The following FBP2 variants were observed in gnomAD, a reference collection of about 807,000 sequenced individuals.
The protein encoded by FBP2 is fructose-1,6-bisphosphatase isozyme 2.
Under a neutral mutation model 31.6 loss-of-function variants are expected in FBP2, and 27 were observed. The ratio of observed to expected loss-of-function variants is 0.85; its 90% confidence interval spans 0.63 to 1.18. FBP2 has a LOEUF of 1.18. FBP2 is among the 50% of genes most tolerant of loss of function. The pLI is 0.00. For synonymous variants in FBP2, 168 were observed against 179.8 expected (o/e 0.93, Z 0.53); for missense variants, 421 against 436.1 (o/e 0.97, Z 0.31).
intron 1 of FBP2, among the ~76,000 whole-genome samples, chr9:94,590,692 A>G (rs192377386): frequency 6.6e-6 from 1 of 152,320 alleles, no homozygotes; most frequent in East Asian, 1.9e-4. Flanking sequence ...CAAGAGCGAA[A>G]GAACAAAGCC....
chr9:94,560,691 C>T (rs1003898571), intron 6 of FBP2, among the ~76,000 whole-genome samples: 109 of 146,964 alleles, frequency 7.4e-4, no homozygotes, highest in Admixed American at 1.8e-3. Flanking sequence ...TTCTATTTTT[C>T]TATTATATAT....
Position 94,587,353 on chromosome 9 carries a change from A to G in FBP2, c.287T>C (p.Val96Ala), listed in dbSNP as rs1827439430. 1 of 1,613,848 alleles carries G rather than the reference A, an allele frequency of 6.2e-7. No homozygotes were observed. The highest frequency in any genetic ancestry group is 1.3e-5 in the African/African-American group (1 of 74,902). The change falls in exon 2 of 7, where the codon GTC becomes GCC. Residue 96 changes from valine to alanine, a missense_variant. Val to Ala is a moderately conservative substitution (Grantham distance 64, BLOSUM62 0). Coordinates refer to ENST00000375337, the MANE Select transcript of FBP2 (RefSeq NM_003837.4). ...GATGGCGTCCTTATTCTCTTCTGAG[A>G]CCAGGACGCAGGTACTATAGGAGGA... Reference protein sequence around the residue: ...VQSSYSTCVLVSEENKDAIIT... With the variant: ...VQSSYSTCVLASEENKDAIIT...
intron 6 of FBP2, 116 bp downstream of exon 6, chr9:94,563,226 C>T: frequency 8.4e-7 from 1 of 1,189,798 alleles, no homozygotes; most frequent in African/African-American, 1.5e-5. Flanking sequence ...CCTCCCCTGC[C>T]CATCCCCACA....
intron 3 of FBP2, among the ~76,000 whole-genome samples, chr9:94,581,525 T>C (rs151184695): frequency 2.2e-4 from 34 of 152,302 alleles, no homozygotes; most frequent in African/African-American, 7.7e-4. Context: ...TTAACTGGCT[T>C]CCACTGTTTT....
intron 5 of FBP2, among the ~76,000 whole-genome samples, chr9:94,564,534 ATTATC>A (rs1827157713): frequency 6.6e-6 from 1 of 152,186 alleles, no homozygotes; most frequent in Non-Finnish European, 1.5e-5. Context: ...TGAAGGCCTA[ATTATC>A]TTAAGTAAAC....
intron 4 of FBP2, chr9:94,568,896 C>G (rs1274181471): frequency 6.6e-6 from 1 of 152,266 alleles, no homozygotes; most frequent in Non-Finnish European, 1.5e-5. Flanking sequence ...CTCAAATCCT[C>G]TTTAGAATTA....
intron 3 of FBP2, among the ~76,000 whole-genome samples, chr9:94,572,272 A>G (rs1827277655): frequency 6.6e-6 from 1 of 151,920 alleles, no homozygotes; most frequent in Admixed American, 6.6e-5. Flanking sequence ...CCTTATCCAA[A>G]ATGGGGACTC....
intron 5 of FBP2, among the ~76,000 whole-genome samples, chr9:94,566,394 C>CA (rs1188769406): frequency 6.6e-6 from 1 of 152,266 alleles, no homozygotes; most frequent in Non-Finnish European, 1.5e-5. Context: ...AACAATAGCA[C>CA]GAGTGATCTG....
In FBP2 at chr9:94,571,219, G is replaced by C. The variant is rs576492719; in HGVS notation, c.567+243C>G. 3.9e-5 allele frequency among the ~76,000 whole-genome samples: 6 copies of C among 152,272 alleles called. No individual in the cohort carries two copies. In the South Asian group the frequency reaches 1.2e-3, roughly 32 times the overall value. On this transcript the variant is annotated intron_variant, in intron 4 of 6. Transcript: ENST00000375337. ...CATTTTTGGAAAATGAGCTCCTTAA[G>C]GAGAGGGCCTGAGTTGATGCAACTG...
At chr9:94,588,370 C>T (rs539401274) in intron 1 of FBP2, among the ~76,000 whole-genome samples, 7 of 152,198 alleles carry the variant, frequency 4.6e-5, no homozygotes, top group Non-Finnish European at 5.9e-5. Flanking sequence ...GCCTGTAATC[C>T]CAGCACTGTG....
intron 5 of FBP2, among the ~76,000 whole-genome samples, chr9:94,563,943 T>C (rs1015585632): frequency 5.9e-5 from 9 of 152,130 alleles, no homozygotes; most frequent in Non-Finnish European, 1.2e-4. Context: ...GACTTAACTA[T>C]CCTAAATAAT....
intron 4 of FBP2, chr9:94,570,618 T>G (rs1827258660): frequency 6.6e-6 from 1 of 152,206 alleles, no homozygotes; most frequent in Admixed American, 6.5e-5. Flanking sequence ...TTTCTCAGGG[T>G]TTGCCAGCTT....
chr9:94,559,221 T>C (rs1827057160), intron 6 of FBP2, 89 bp from the exon 7 acceptor site: 1 of 1,187,018 alleles, frequency 8.4e-7, no homozygotes, highest in Non-Finnish European at 1.2e-6. Flanking sequence ...GAGTTTGTAC[T>C]GCGGTGCTTC....
chr9:94,587,589 A>G, intron 1 of FBP2, 120 bp from the exon 2 acceptor site: 1 of 850,522 alleles, frequency 1.2e-6, no homozygotes, highest in South Asian at 1.5e-5. Flanking sequence ...TGGAGTCTCC[A>G]AGTCACACGT....
At chr9:94,565,482 C>T (rs980740841) in intron 5 of FBP2, among the ~76,000 whole-genome samples, 20 of 151,336 alleles carry the variant, frequency 1.3e-4, no homozygotes, top group African/African-American at 4.9e-4. Flanking sequence ...TGATGTGTTA[C>T]ACAGGAACAC....
intron 4 of FBP2, chr9:94,570,575 A>G (rs928912657): frequency 6.6e-6 from 1 of 152,192 alleles, no homozygotes; most frequent in African/African-American, 2.4e-5. Flanking sequence ...AGGGTGTTTT[A>G]TTGTCTGAGG....
intron 3 of FBP2, chr9:94,577,419 G>A (rs1441005412): frequency 3.3e-5 from 5 of 152,174 alleles, no homozygotes; most frequent in African/African-American, 1.2e-4. Flanking sequence ...TTAAACTGAT[G>A]GGCAAATTAC....
intron 3 of FBP2, among the ~76,000 whole-genome samples, chr9:94,574,991 G>A (rs1457423129): frequency 6.6e-6 from 1 of 152,116 alleles, no homozygotes; most frequent in Non-Finnish European, 1.5e-5. Context: ...CATCAGATAA[G>A]TGGTGCTTCC....
intron 4 of FBP2, chr9:94,568,987 T>A (rs1827234298): frequency 6.6e-6 from 1 of 152,302 alleles, no homozygotes; most frequent in African/African-American, 2.4e-5. Flanking sequence ...CAGTGCCTGC[T>A]AAATCTAACT....
Sources: gnomAD v4.1 joint callset for allele counts (sites outside exome capture counted in the v4.1 genomes callset) on GRCh38, gnomAD v4.1.1 for gene constraint, MANE v1.5 for transcripts, NCBI Gene and HGNC (gene_info 2026-07-23, HGNC 2026-07-21) for gene names.